COPS4: variants seen among roughly 807,000 people sequenced by gnomAD.
The protein encoded by COPS4 is COP9 signalosome complex subunit 4.
A neutral mutation model predicts 55.1 loss-of-function variants in COPS4; 8 were observed. The ratio of observed to expected loss-of-function variants is 0.15; its 90% confidence interval spans 0.09 to 0.26. The LOEUF is 0.26. Ranked by LOEUF, COPS4 falls within the 10% of genes least tolerant of loss-of-function variation. COPS4 has a pLI of 1.00. For synonymous variants in COPS4, 185 were observed against 165.7 expected, an observed-to-expected ratio of 1.12 and a Z score of -0.90; for missense variants, 248 against 484.0, an observed-to-expected ratio of 0.51 and a Z score of 4.58.
chr4:83,062,170 C>T (rs1360281374), intron 6 of COPS4, among the ~76,000 whole-genome samples: 1 of 152,106 alleles, frequency 6.6e-6, no homozygotes, highest in East Asian at 1.9e-4. Context: ...TAAATTGAAA[C>T]TGTGAATATT....
chr4:83,063,153 G>T lies in COPS4; in HGVS notation c.793G>T (p.Glu265Ter). ...GCAACTTGCTGCCTATGGGATCCTA[G>T]AGAAAATGTATCTAGATAGGATCAT... ...CQQLAAYGIL[E>*]KMYLDRIIRG... Residue 265 changes from glutamate (E) to a stop codon, truncating the protein, a stop_gained, in exon 7 of 10, where the codon GAG becomes TAG. Coordinates refer to ENST00000264389, the MANE Select transcript of COPS4 (RefSeq NM_016129.3). LOFTEE classifies it high-confidence loss of function. The T allele has an allele frequency of 6.2e-7, 1 of 1,611,892 alleles. No homozygotes were observed. The highest frequency in any genetic ancestry group is 8.5e-7 in the Non-Finnish European group (1 of 1,179,286).
chr4:83,060,339 A>C (rs1485479891), intron 6 of COPS4, among the ~76,000 whole-genome samples: 14 of 127,062 alleles, frequency 1.1e-4, no homozygotes, highest in Non-Finnish European at 2.2e-4. Flanking sequence ...GCCCGCCACC[A>C]CGCGCAGCTA....
chr4:83,047,982 CAG>C (rs1730764877), intron 2 of COPS4, among the ~76,000 whole-genome samples: 1 of 144,468 alleles, frequency 6.9e-6, no homozygotes, highest in South Asian at 2.2e-4. Context: ...GCCTGGGCGA[CAG>C]AGCGAGACTC....
chr4:83,048,960 G>A (rs373371048), intron 2 of COPS4, among the ~76,000 whole-genome samples: 68 of 152,044 alleles, frequency 4.5e-4, no homozygotes, highest in African/African-American at 1.2e-3. Context: ...TACTGTTTTT[G>A]TGTGGTCATT....
At chr4:83,063,344 C>T (rs985315007) in intron 7 of COPS4, 98 bp downstream of exon 7, 3 of 739,202 alleles carry the variant, frequency 4.1e-6, no homozygotes, top group African/African-American at 2.0e-5. Flanking sequence ...AATAATTCTA[C>T]ATAACACTTC....
chr4:83,063,388 A>AT (rs989479210), intron 7 of COPS4, 142 bp downstream of exon 7: 863 of 565,412 alleles, frequency 1.5e-3, no homozygotes, highest in Middle Eastern at 6.0e-3. Context: ...TTTATTTAAA[A>AT]TTTTTTTTTT....
intron 4 of COPS4, among the ~76,000 whole-genome samples, chr4:83,056,166 A>G (rs972118060): frequency 6.6e-6 from 1 of 152,070 alleles, no homozygotes; most frequent in African/African-American, 2.4e-5. Flanking sequence ...TCCTGACCTC[A>G]GGTGATCCAC....
At chr4:83,057,927 A>G (rs1267227023) in intron 6 of COPS4, among the ~76,000 whole-genome samples, 1 of 151,084 alleles carries the variant, frequency 6.6e-6, no homozygotes, top group East Asian at 1.9e-4. Context: ...CTCAAAAAAA[A>G]AAAAAAAAAA....
At chr4:83,074,758 G>A (rs988200683) in intron 9 of COPS4, among the ~76,000 whole-genome samples, 14 of 151,092 alleles carry the variant, frequency 9.3e-5, no homozygotes, top group African/African-American at 1.7e-4. Flanking sequence ...TGCCTGCCTC[G>A]GCCTCCCAAA....
rs34745098 is a variant in COPS4, at chr4:83,042,517, A to ATT, written c.75-3095_75-3094dup. Among the ~76,000 whole-genome samples, 166 of 145,538 alleles carry ATT rather than the reference A, an allele frequency of 1.1e-3. 1 individual carries two copies. Among genetic ancestry groups the ATT allele is most frequent in the South Asian group, 4.1e-3 (19 of 4,602 alleles). On this transcript the variant is annotated intron_variant, in intron 1 of 9. Transcript: ENST00000264389. ...GTACCTCACTTTTTTTAATTAATTAATTTTTTTTTTTTTTTGAGACAAGGT... is the reference window on the plus strand; with the variant it reads ...GTACCTCACTTTTTTTAATTAATTAATTTTTTTTTTTTTTTTTGAGACAAGGT...
At chr4:83,041,621 T>C (rs932464267) in intron 1 of COPS4, among the ~76,000 whole-genome samples, 1 of 151,262 alleles carries the variant, frequency 6.6e-6, no homozygotes, top group Non-Finnish European at 1.5e-5. Flanking sequence ...TTGTGCACCA[T>C]CACACTCGGC....
chr4:83,038,132 A>C (rs755737135), intron 1 of COPS4, among the ~76,000 whole-genome samples: 17 of 152,246 alleles, frequency 1.1e-4, no homozygotes, highest in Non-Finnish European at 1.8e-4. Context: ...TTTATTGAGG[A>C]TAGCCTCAAA....
At chr4:83,051,010 G>C (rs545881963) in intron 4 of COPS4, among the ~76,000 whole-genome samples, 1 of 151,584 alleles carries the variant, frequency 6.6e-6, no homozygotes, top group South Asian at 2.1e-4. Context: ...TATGGTCCAA[G>C]CACTTTGGGA....
chr4:83,045,534 C>G (rs981963452), intron 1 of COPS4, 92 bp from the exon 2 acceptor site: 1 of 987,764 alleles, frequency 1.0e-6, no homozygotes, highest in South Asian at 1.5e-5. Flanking sequence ...TGAAAGAAAC[C>G]AAGGTATGTA....
At chr4:83,067,005 G>T (rs187812109) in intron 8 of COPS4, among the ~76,000 whole-genome samples, 1 of 151,958 alleles carries the variant, frequency 6.6e-6, no homozygotes, top group African/African-American at 2.4e-5. Context: ...CTTAAAAGTC[G>T]TGCAGTTATG....
chr4:83,047,581 A>T lies in COPS4; in HGVS notation c.155-1585A>T, dbSNP rs188807420. Among the ~76,000 whole-genome samples, 126 of 152,124 alleles carry T rather than the reference A, an allele frequency of 8.3e-4. 1 individual carries two copies. The East Asian group carries it at 9.9e-3, about 12-fold the overall frequency. ...ACAATTAAAAAACATATATATATAT[A>T]TTTTTTGATCTTTGTATAAGCTTTG... On this transcript the variant is annotated intron_variant, in intron 2 of 9. Coordinates refer to ENST00000264389, the MANE Select transcript of COPS4 (RefSeq NM_016129.3).
intron 4 of COPS4, among the ~76,000 whole-genome samples, chr4:83,052,792 G>T (rs1172696582): frequency 6.6e-6 from 1 of 152,112 alleles, no homozygotes; most frequent in African/African-American, 2.4e-5. Flanking sequence ...TCACCATGTT[G>T]CCCAGGCTGG....
intron 8 of COPS4, among the ~76,000 whole-genome samples, chr4:83,067,408 A>G (rs1731316637): frequency 6.6e-6 from 1 of 150,466 alleles, no homozygotes; most frequent in African/African-American, 2.5e-5. Flanking sequence ...TAATTTTTGT[A>G]TTTTTAGTAG....
At chr4:83,043,427 G>A (rs995130064) in intron 1 of COPS4, among the ~76,000 whole-genome samples, 1 of 147,652 alleles carries the variant, frequency 6.8e-6, no homozygotes, top group Non-Finnish European at 1.5e-5. Context: ...GCAGAAGCAG[G>A]AGGATTGTTT....
Sources: gnomAD v4.1 joint callset for allele counts (sites outside exome capture counted in the v4.1 genomes callset) on GRCh38, gnomAD v4.1.1 for gene constraint, MANE v1.5 for transcripts, NCBI Gene and HGNC (gene_info 2026-07-23, HGNC 2026-07-21) for gene names.